CPSF2: variants seen among roughly 807,000 people sequenced by gnomAD.
CPSF2 encodes cleavage and polyadenylation specific factor 2.
Under a neutral mutation model 84.2 loss-of-function variants are expected in CPSF2, and 51 were observed. The observed-to-expected ratio is 0.61, with a 90% CI of 0.48 to 0.77. The LOEUF (loss-of-function observed/expected upper bound fraction) is 0.77, where lower values mean the gene tolerates loss of function less well. CPSF2 is among the 30% of genes least tolerant of loss of function. The pLI is 0.00. For synonymous variants in CPSF2, 286 were observed against 311.9 expected (o/e 0.92, Z 0.87); for missense variants, 641 against 929.4 (o/e 0.69, Z 4.03).
At chr14:92,138,740 GT>G (rs2069034357) in intron 7 of CPSF2, among the ~76,000 whole-genome samples, 1 of 152,072 alleles carries the variant, frequency 6.6e-6, no homozygotes, top group Admixed American at 6.6e-5. Context: ...ACAAGTATAG[GT>G]TTCTTAATGC....
At position 92,134,502 on chromosome 14, in the gene CPSF2, A is replaced by G. The variant is rs1484561352; in HGVS notation, c.415+147A>G. On this transcript the variant is annotated intron_variant, in intron 5 of 15. Transcript: ENST00000298875. The stretch of plus-strand genomic sequence containing the variant: ...CATTCTGCCTTGATACAGAACTCTT[A>G]ACTTCCATTTGAATTTTAAAATATT... 5.0e-6 allele frequency: 3 copies of G among 595,850 alleles called. No individual in the cohort carries two copies. The Admixed American group carries it at 9.0e-5, about 18-fold the overall frequency. 36.9% of individuals were successfully genotyped at this position (595,850 alleles called of 1,614,324 possible). A position where few individuals can be genotyped will look rare whatever the true frequency, so the allele number is the denominator to read the frequency against.
At chr14:92,155,101 A>G (rs760071507) in intron 10 of CPSF2, 22 bp from the exon 11 acceptor site, 1 of 1,511,272 alleles carries the variant, frequency 6.6e-7, no homozygotes, top group Non-Finnish European at 9.2e-7. Flanking sequence ...TATGACCTTG[A>G]TCTATTCTAA....
At chr14:92,123,424 G>T (rs1259793407) in intron 1 of CPSF2, among the ~76,000 whole-genome samples, 2 of 149,118 alleles carry the variant, frequency 1.3e-5, no homozygotes, top group Admixed American at 1.3e-4. Context: ...TTGAGACCGG[G>T]TCTCGCTCTG....
In CPSF2 at chr14:92,165,854, C is replaced by CTTTTGTTTTTTTTT. The variant is rs2069438135; in HGVS notation, c.*4114_*4115insGTTTTTTTTTTTTT. 5 of 50,622 alleles carry CTTTTGTTTTTTTTT rather than the reference C, an allele frequency of 9.9e-5. No individual in the cohort carries two copies. Among genetic ancestry groups the CTTTTGTTTTTTTTT allele is most frequent in the African/African-American group, 4.6e-4 (5 of 10,756 alleles). 3.1% of individuals were successfully genotyped at this position (50,622 alleles called of 1,614,324 possible). A position where few individuals can be genotyped will look rare whatever the true frequency, so the allele number is the denominator to read the frequency against. Reference sequence around the variant, plus strand: ...CAGTTCTTTGTGCTTGGTTTTATATCTTTTTTTTTTTTTTTTTTTTTTTTT... The same window carrying CTTTTGTTTTTTTTT: ...CAGTTCTTTGTGCTTGGTTTTATATCTTTTGTTTTTTTTTTTTTTTTTTTTTTTTTTTTTTTTTT... On this transcript the variant is annotated 3_prime_UTR_variant, in exon 16 of 16. Coordinates refer to ENST00000298875, the MANE Select transcript of CPSF2 (RefSeq NM_017437.3).
At chr14:92,155,371 A>C (rs2069276503) in intron 11 of CPSF2, 48 bp downstream of exon 11, 6 of 1,414,730 alleles carry the variant, frequency 4.2e-6, no homozygotes, top group Non-Finnish European at 6.0e-6. Flanking sequence ...GGAGGTATTA[A>C]CTGTGTTATC....
intron 4 of CPSF2, 31 bp from the exon 5 acceptor site, chr14:92,134,219 T>G (rs373232696): frequency 3.3e-4 from 538 of 1,611,340 alleles, no homozygotes; most frequent in Admixed American, 4.7e-4. Flanking sequence ...TCAGTGATTG[T>G]TTTTCACCTT....
chr14:92,154,820 T>C (rs1361606863), intron 10 of CPSF2, among the ~76,000 whole-genome samples: 1 of 152,216 alleles, frequency 6.6e-6, no homozygotes, highest in Non-Finnish European at 1.5e-5. Flanking sequence ...GAGTATATGA[T>C]ATGGCCCATT....
chr14:92,133,433 C>A (rs1475098619), intron 3 of CPSF2, among the ~76,000 whole-genome samples: 2 of 111,668 alleles, frequency 1.8e-5, no homozygotes, highest in African/African-American at 8.3e-5. Flanking sequence ...AAAAGAAAAT[C>A]AAGTTACTTG....
At chr14:92,131,974 T>A (rs2068937894) in intron 3 of CPSF2, among the ~76,000 whole-genome samples, 1 of 152,220 alleles carries the variant, frequency 6.6e-6, no homozygotes, top group African/African-American at 2.4e-5. Flanking sequence ...TAATTTCTTG[T>A]GTTGATGAGA....
In CPSF2 at chr14:92,161,562, A is replaced by G. The variant is rs546622309; in HGVS notation, c.2257-90A>G. On this transcript the variant is annotated intron_variant, in intron 15 of 15. Coordinates refer to ENST00000298875, the MANE Select transcript of CPSF2 (RefSeq NM_017437.3). Reference sequence around the variant, plus strand: ...AGCAACCCATGTCCTGACCAATCATAAAGTAATCTATTTCATATATTTCGG... The same window carrying G: ...AGCAACCCATGTCCTGACCAATCATGAAGTAATCTATTTCATATATTTCGG... 7.0e-5 allele frequency: 61 copies of G among 873,976 alleles called. 2 individuals carry two copies. The highest frequency in any genetic ancestry group is 5.8e-4 in the African/African-American group (33 of 56,698). 54.1% of individuals were successfully genotyped at this position (873,976 alleles called of 1,614,324 possible). A position where few individuals can be genotyped will look rare whatever the true frequency, so the allele number is the denominator to read the frequency against.
At chr14:92,158,671 C>T (rs1489637141) in intron 13 of CPSF2, among the ~76,000 whole-genome samples, 2 of 152,174 alleles carry the variant, frequency 1.3e-5, no homozygotes, top group African/African-American at 2.4e-5. Flanking sequence ...CAGAGGGACT[C>T]AGTTTTTCTG....
At chr14:92,129,784 C>G (rs1368043701) in intron 2 of CPSF2, among the ~76,000 whole-genome samples, 1 of 152,130 alleles carries the variant, frequency 6.6e-6, no homozygotes, top group African/African-American at 2.4e-5. Context: ...ACTCTAGGGT[C>G]TCACTCTGTG....
chr14:92,154,321 A>G, intron 9 of CPSF2, 37 bp from the exon 10 acceptor site: 1 of 1,489,494 alleles, frequency 6.7e-7, no homozygotes, highest in South Asian at 1.2e-5. Context: ...TAATATTAAC[A>G]TATTAACATT....
rs892141739 is a variant in CPSF2, at chr14:92,168,289, A to T, written c.*6545A>T. On this transcript the variant is annotated 3_prime_UTR_variant, in exon 16 of 16. Coordinates refer to ENST00000298875, the MANE Select transcript of CPSF2 (RefSeq NM_017437.3). ...AAAGGGCAGGGGGAGCGGCTAGAGA[A>T]GGAACATTCAAATCTTCCCACGTGG... The T allele has an allele frequency of 1.3e-5, 2 of 149,972 alleles. No individual in the cohort carries two copies. Among genetic ancestry groups the T allele is most frequent in the Non-Finnish European group, 3.0e-5 (2 of 67,702 alleles). 9.3% of individuals were successfully genotyped at this position (149,972 alleles called of 1,614,324 possible).
At position 92,159,197 on chromosome 14, in the gene CPSF2, T is replaced by C. The variant is rs749759817; in HGVS notation, c.2036T>C (p.Met679Thr). The change falls in exon 14 of 16, where the codon ATG becomes ACG. Residue 679 changes from methionine to threonine, a missense_variant. Met to Thr is a moderately conservative substitution (Grantham distance 81, BLOSUM62 -1). This residue lies in a region of CPSF2 where 430 missense variants were observed against 553.6 expected (regional missense o/e 0.78). Transcript: ENST00000298875. Reference protein sequence around the residue: ...DSSVIAQQKAMKSLFGDDEKE... With the variant: ...DSSVIAQQKATKSLFGDDEKE... ...AGCGTTATAGCACAACAAAAGGCCA[T>C]GAAAAGTCTGTTCGGAGATGATGAA... 1.2e-6 allele frequency: 2 copies of C among 1,614,008 alleles called. No homozygotes were observed. Among genetic ancestry groups the C allele is most frequent in the Admixed American group, 3.3e-5 (2 of 60,004 alleles).
intron 6 of CPSF2, among the ~76,000 whole-genome samples, chr14:92,136,838 T>C (rs941378499): frequency 6.6e-6 from 1 of 152,236 alleles, no homozygotes; most frequent in Non-Finnish European, 1.5e-5. Context: ...ATTTGTGTCC[T>C]TTTAATTATA....
intron 1 of CPSF2, 135 bp downstream of exon 1, chr14:92,122,263 C>T (rs1006132634): frequency 1.1e-5 from 3 of 265,334 alleles, no homozygotes; most frequent in Non-Finnish European, 2.2e-5. Context: ...CTGCGACTGT[C>T]CCGGTCGTTC....
At chr14:92,152,792 T>A (rs187696147) in intron 9 of CPSF2, among the ~76,000 whole-genome samples, 8 of 152,316 alleles carry the variant, frequency 5.3e-5, no homozygotes, top group Admixed American at 2.6e-4. Flanking sequence ...TGCTCAGTTT[T>A]AATTTCTGAT....
At chr14:92,133,465 T>C (rs1433086023) in intron 3 of CPSF2, among the ~76,000 whole-genome samples, 1 of 151,972 alleles carries the variant, frequency 6.6e-6, no homozygotes, top group East Asian at 1.9e-4. Context: ...CTTTTTTGTT[T>C]TTGTTCTTGT....
Sources: allele counts gnomAD v4.1 joint callset (sites outside exome capture counted in the v4.1 genomes callset), GRCh38; gene constraint gnomAD v4.1.1; regional missense constraint gnomAD v4.1.1; transcripts MANE v1.5; gene names NCBI Gene and HGNC (gene_info 2026-07-23, HGNC 2026-07-21).